Variants in SNCAIP observed in about 807,000 individuals in gnomAD.
The protein encoded by SNCAIP is synuclein alpha interacting protein.
Under a neutral mutation model 86.7 loss-of-function variants are expected in SNCAIP, and 43 were observed. That is an observed-to-expected ratio of 0.50 (90% CI 0.39 to 0.64). The LOEUF is 0.64. Ranked by LOEUF, SNCAIP falls within the 30% of genes least tolerant of loss-of-function variation. SNCAIP has a pLI of 0.00. For synonymous variants in SNCAIP, 417 were observed against 427.2 expected, an observed-to-expected ratio of 0.98 and a Z score of 0.29; for missense variants, 981 against 1,103.1, an observed-to-expected ratio of 0.89 and a Z score of 1.57.
chr5:122,451,704 G>GA (rs11397630), intron 10 of SNCAIP, 103 bp downstream of exon 10: 152,601 of 678,276 alleles, frequency 0.22, 5,547 homozygotes, highest in South Asian at 0.3. Flanking sequence ...GAATCCCCAG[G>GA]AAAAAAAAAA....
chr5:122,410,896 C>T (rs1773986323), intron 3 of SNCAIP, among the ~76,000 whole-genome samples: 1 of 152,176 alleles, frequency 6.6e-6, no homozygotes, highest in South Asian at 2.1e-4. Context: ...CGCATCTTTG[C>T]CCCTTTTTCT....
chr5:122,452,710 A>G (rs562296513), intron 10 of SNCAIP, among the ~76,000 whole-genome samples: 1 of 152,308 alleles, frequency 6.6e-6, no homozygotes, highest in South Asian at 2.1e-4. Context: ...TCAAAACTTA[A>G]GTCACTCAGA....
At chr5:122,376,773 A>G (rs1339213607) in intron 1 of SNCAIP, among the ~76,000 whole-genome samples, 1 of 152,184 alleles carries the variant, frequency 6.6e-6, no homozygotes, top group Non-Finnish European at 1.5e-5. Context: ...GAAAGAGAAT[A>G]GGGAAATTCA....
intron 1 of SNCAIP, among the ~76,000 whole-genome samples, chr5:122,347,899 A>G (rs552832929): frequency 3.9e-5 from 6 of 152,130 alleles, no homozygotes; most frequent in Non-Finnish European, 7.4e-5. Flanking sequence ...CTTTTTAAAA[A>G]AAATAAGCTA....
chr5:122,442,801 C>T (rs918910948), intron 7 of SNCAIP, among the ~76,000 whole-genome samples: 16 of 151,978 alleles, frequency 1.1e-4, no homozygotes, highest in Non-Finnish European at 2.2e-4. Flanking sequence ...GCTTTTAGAG[C>T]GTTCATCACT....
At chr5:122,395,022 C>T (rs1215304206) in intron 2 of SNCAIP, among the ~76,000 whole-genome samples, 2 of 152,166 alleles carry the variant, frequency 1.3e-5, no homozygotes, top group Non-Finnish European at 2.9e-5. Flanking sequence ...TGCAACTTAG[C>T]TGAGTAGTAG....
At position 122,463,521 on chromosome 5, in the gene SNCAIP, A is replaced by G; in HGVS notation, c.*25A>G. ...ATGACATCAATAGAAAAATGAAGAA[A>G]TCCTACAGCATAAAGCACATTGCTG... On this transcript the variant is annotated 3_prime_UTR_variant, in exon 11 of 11. Transcript: ENST00000261368. 2.5e-6 allele frequency: 4 copies of G among 1,609,438 alleles called. No homozygotes were observed. Among genetic ancestry groups the G allele is most frequent in the East Asian group, 2.2e-5 (1 of 44,770 alleles).
intron 1 of SNCAIP, among the ~76,000 whole-genome samples, chr5:122,381,638 G>T (rs1227523984): frequency 6.6e-6 from 1 of 150,648 alleles, no homozygotes; most frequent in Non-Finnish European, 1.5e-5. Context: ...TCCTAGTCTC[G>T]ATGGTCTTTA....
chr5:122,324,281 G>A (rs770165716), intron 1 of SNCAIP, among the ~76,000 whole-genome samples: 3 of 152,130 alleles, frequency 2.0e-5, no homozygotes, highest in Admixed American at 2.0e-4. Flanking sequence ...TCCAAGCTTA[G>A]AACAACCTGG....
chr5:122,415,116 G>A (rs1286296726), intron 3 of SNCAIP, among the ~76,000 whole-genome samples: 3 of 152,212 alleles, frequency 2.0e-5, no homozygotes, highest in African/African-American at 4.8e-5. Flanking sequence ...ACCTGCACCT[G>A]AAGACGGAGG....
chr5:122,365,705 C>G (rs1763042214), intron 1 of SNCAIP, among the ~76,000 whole-genome samples: 1 of 152,030 alleles, frequency 6.6e-6, no homozygotes, highest in Non-Finnish European at 1.5e-5. Flanking sequence ...AAGAAAGATC[C>G]CTGTTTGGTC....
Position 122,431,953 on chromosome 5 carries a change from C to CT in SNCAIP, c.1183-10dup. 7.5e-7 allele frequency: 1 copy of CT among 1,336,376 alleles called. No homozygotes were observed. Among genetic ancestry groups the CT allele is most frequent in the Non-Finnish European group, 1.1e-6 (1 of 927,668 alleles). The allele number at this position is 1,336,376 out of a possible 1,614,324, so 82.8% of individuals were successfully genotyped here. A position where few individuals can be genotyped will look rare whatever the true frequency, so the allele number is the denominator to read the frequency against. On this transcript the variant is annotated splice_polypyrimidine_tract_variant and intron_variant, in intron 5 of 10. Transcript: ENST00000261368. ...TTACCTTGAATTTCCATCTCCCTTTCTTTTTTAAAACCTAGAATGGTCAGT... is the reference window on the plus strand; with the variant it reads ...TTACCTTGAATTTCCATCTCCCTTTCTTTTTTTAAAACCTAGAATGGTCAGT...
At chr5:122,444,910 A>C in intron 8 of SNCAIP, 178 bp downstream of exon 8, 1 of 668,676 alleles carries the variant, frequency 1.5e-6, no homozygotes, top group Non-Finnish European at 2.7e-6. Context: ...TGAAGATGCC[A>C]TCTCTGCAGA....
intron 10 of SNCAIP, among the ~76,000 whole-genome samples, chr5:122,453,756 C>A (rs995748448): frequency 1.4e-5 from 2 of 145,758 alleles, no homozygotes; most frequent in African/African-American, 5.0e-5. Context: ...AAAAGACTAT[C>A]ACTTTTTTTT....
chr5:122,411,088 A>G (rs1388450815), intron 3 of SNCAIP, among the ~76,000 whole-genome samples: 3 of 152,180 alleles, frequency 2.0e-5, no homozygotes, highest in Non-Finnish European at 4.4e-5. Flanking sequence ...ACTGGACTCA[A>G]AGAAACATAT....
At chr5:122,454,142 G>A (rs1007074681) in intron 10 of SNCAIP, among the ~76,000 whole-genome samples, 7 of 152,172 alleles carry the variant, frequency 4.6e-5, no homozygotes. Flanking sequence ...ATCCTCCAAA[G>A]CATGCATGTG....
At chr5:122,337,913 T>C (rs1413779082) in intron 1 of SNCAIP, among the ~76,000 whole-genome samples, 1 of 152,238 alleles carries the variant, frequency 6.6e-6, no homozygotes, top group African/African-American at 2.4e-5. Context: ...TTTAATAGGG[T>C]ACTGCTTGTG....
At chr5:122,348,677 T>A (rs1003607557) in intron 1 of SNCAIP, among the ~76,000 whole-genome samples, 2 of 151,978 alleles carry the variant, frequency 1.3e-5, no homozygotes, top group Admixed American at 6.6e-5. Context: ...TATAAACCCA[T>A]TGACAAATGA....
intron 6 of SNCAIP, among the ~76,000 whole-genome samples, chr5:122,432,686 A>G (rs1460268964): frequency 6.6e-6 from 1 of 152,154 alleles, no homozygotes; most frequent in Non-Finnish European, 1.5e-5. Flanking sequence ...GATGGCTCTC[A>G]GTTGCAATCA....
Sources: gnomAD v4.1 joint callset for allele counts (sites outside exome capture counted in the v4.1 genomes callset) on GRCh38, gnomAD v4.1.1 for gene constraint, MANE v1.5 for transcripts, NCBI Gene and HGNC (gene_info 2026-07-23, HGNC 2026-07-21) for gene names.